Variants in NRAP observed in about 807,000 individuals in gnomAD.
NRAP encodes nebulin-related-anchoring protein.
A neutral mutation model predicts 225.9 loss-of-function variants in NRAP; 189 were observed. The ratio of observed to expected loss-of-function variants is 0.84; its 90% CI spans 0.74 to 0.94. The LOEUF is 0.94. NRAP is among the 40% of genes least tolerant of loss of function. The probability of loss-of-function intolerance (pLI) is 0.00; values close to 1 mark genes in which losing one functional copy is unlikely to be tolerated. For missense variants in NRAP, 2,176 were observed against 2,168.7 expected (o/e 1.00, Z -0.07); for synonymous variants, 769 against 790.7 (o/e 0.97, Z 0.46).
At chr10:113,595,557 T>C (rs1264597616) in intron 38 of NRAP, 66 bp downstream of exon 38, 7 of 1,003,982 alleles carry the variant, frequency 7.0e-6, no homozygotes, top group East Asian at 2.4e-5. Context: ...AAAAACGAAA[T>C]CCACATTGGG....
chr10:113,628,661 C>A (rs1848412692), intron 20 of NRAP, among the ~76,000 whole-genome samples: 1 of 152,180 alleles, frequency 6.6e-6, no homozygotes, highest in Non-Finnish European at 1.5e-5. Context: ...TTACACCTTT[C>A]TAAACCAAAT....
At position 113,595,616 on chromosome 10, in the gene NRAP, C is replaced by T. The variant is rs769813270; in HGVS notation, c.4536+7G>A. On this transcript the variant is annotated splice_region_variant and intron_variant, in intron 38 of 41. Transcript: ENST00000359988. ...GCACACGTTCCATGAACCACCAGTT[C>T]ACTTACGTCACTCAGATGCAGCGCA... 2.5e-6 allele frequency: 4 copies of T among 1,573,354 alleles called. No homozygotes were observed. Among genetic ancestry groups the T allele is most frequent in the Non-Finnish European group, 3.5e-6 (4 of 1,142,808 alleles).
rs765182837 is a variant in NRAP, at chr10:113,589,072, GC to G, written c.5095del (p.Ala1699GlnfsTer14). On this transcript the variant is annotated frameshift_variant, in exon 42 of 42. Transcript: ENST00000359988. LOFTEE classifies it high-confidence loss of function. The stretch of plus-strand genomic sequence containing the variant: ...ATGATCTCCAGCCTCCACTGCTTCT[GC>G]CCCCCGCTGCTGAAATCAAACATAC... ...GLGLQGAYRG[A>X]EAVEAGDHQS... 1.2e-6 allele frequency: 2 copies of G among 1,613,084 alleles called. No individual in the cohort carries two copies. The highest frequency in any genetic ancestry group is 2.2e-5 in the East Asian group (1 of 44,870).
chr10:113,595,861 G>T, intron 37 of NRAP, 134 bp from the exon 38 acceptor site: 1 of 546,000 alleles, frequency 1.8e-6, no homozygotes, highest in Non-Finnish European at 3.2e-6. Context: ...TCCTGCCCAT[G>T]GACAGTGTCC....
intron 38 of NRAP, among the ~76,000 whole-genome samples, chr10:113,593,417 A>G (rs1022936753): frequency 6.6e-6 from 1 of 152,190 alleles, no homozygotes; most frequent in Non-Finnish European, 1.5e-5. Flanking sequence ...TGGGCCAAGC[A>G]TGGCGGATCT....
At chr10:113,645,477 G>C (rs1849447949) in intron 11 of NRAP, among the ~76,000 whole-genome samples, 1 of 152,166 alleles carries the variant, frequency 6.6e-6, no homozygotes, top group African/African-American at 2.4e-5. Flanking sequence ...GAGTGCAATA[G>C]CACTATCTCG....
intron 19 of NRAP, 100 bp downstream of exon 19, chr10:113,629,487 TC>T: frequency 1.2e-6 from 1 of 828,286 alleles, no homozygotes; most frequent in Non-Finnish European, 2.0e-6. Flanking sequence ...TTCCTAGTCT[TC>T]CAAGTTATGT....
chr10:113,654,138 C>G lies in NRAP; in HGVS notation c.361-13G>C. 6.7e-7 allele frequency: 1 copy of G among 1,503,068 alleles called. No individual in the cohort carries two copies. The highest frequency in any genetic ancestry group is 9.3e-7 in the Non-Finnish European group (1 of 1,079,178). 93.1% of individuals were successfully genotyped at this position (1,503,068 alleles called of 1,614,324 possible). On this transcript the variant is annotated splice_polypyrimidine_tract_variant and intron_variant, in intron 4 of 41. Transcript: ENST00000359988. The stretch of plus-strand genomic sequence containing the variant: ...TCCAATAGGCTCTCTACAAAGGAAG[C>G]ACATGAAGGGATACAAACACATGCC...
chr10:113,590,767 G>A lies in NRAP; in HGVS notation c.4767C>T (p.Tyr1589=), dbSNP rs1337958700. ...NVGRLQSDNE[Y]KKDFAKSRSQ... is the part of the protein sequence containing the mutation. ...ACCGACTCTTGGCAAAGTCCTTCTT[G>A]TACTCATTGTCACTCTGGAGCCTGC... Residue 1589 remains tyrosine, a synonymous_variant, in exon 40 of 42, where the codon TAC becomes TAT. Transcript: ENST00000359988. 1.9e-6 allele frequency: 3 copies of A among 1,614,078 alleles called. No homozygotes were observed. Among genetic ancestry groups the A allele is most frequent in the South Asian group, 2.2e-5 (2 of 91,088 alleles).
chr10:113,620,642 C>T lies in NRAP; in HGVS notation c.2836G>A (p.Val946Met), dbSNP rs1847928832. The T allele has an allele frequency of 5.6e-6, 9 of 1,613,594 alleles. No individual in the cohort carries two copies. Among genetic ancestry groups the T allele is most frequent in the Admixed American group, 5.0e-5 (3 of 59,992 alleles). Residue 946 changes from valine (V) to methionine (M), a missense_variant, in exon 25 of 42, where the codon GTG (valine) becomes ATG (methionine). Physicochemically the swap from Val to Met is conservative, Grantham distance 21. Around this residue, in one of 3 missense-constraint regions of NRAP, gnomAD observed 1,708 missense variants for 1,695.5 expected, o/e 1.01. Transcript: ENST00000359988. ...TCTCCTGCCTTCTTCGCCTGCTCCACATTTAATGACCCGGTGGCGACCCAG... is the reference window on the plus strand; with the variant it reads ...TCTCCTGCCTTCTTCGCCTGCTCCATATTTAATGACCCGGTGGCGACCCAG... ...MGWVATGSLNVEQAKKAGELI... is the reference protein window; with the variant it reads ...MGWVATGSLNMEQAKKAGELI...
rs1592866822 is a variant in NRAP at position 113,652,877 on chromosome 10, G to C, written c.570+58C>G. The stretch of plus-strand genomic sequence containing the variant: ...TACTGTTTTTTCCCTAAATCACGGG[G>C]GCTCATTAATGACAAAAATTAGCAT... On this transcript the variant is annotated intron_variant, in intron 6 of 41. Coordinates refer to ENST00000359988, the MANE Select transcript of NRAP (RefSeq NM_198060.4). The C allele has an allele frequency of 3.5e-6, 4 of 1,134,424 alleles. No individual in the cohort carries two copies. The South Asian group carries it at 5.0e-5, about 14-fold the overall frequency. 70.3% of individuals were successfully genotyped at this position (1,134,424 alleles called of 1,614,324 possible).
chr10:113,593,288 G>C (rs945352036), intron 38 of NRAP, among the ~76,000 whole-genome samples: 1 of 152,172 alleles, frequency 6.6e-6, no homozygotes, highest in Admixed American at 6.5e-5. Context: ...GGTCAAGGCT[G>C]GCACTCTGTT....
At chr10:113,660,853 CTAAAGT>C (rs1224478551) in intron 3 of NRAP, among the ~76,000 whole-genome samples, 1 of 152,130 alleles carries the variant, frequency 6.6e-6, no homozygotes, top group Non-Finnish European at 1.5e-5. Flanking sequence ...AATAAATATC[CTAAAGT>C]TAAACAGATC....
In NRAP at chr10:113,604,874, C is replaced by T. The variant is rs535278612; in HGVS notation, c.3962G>A (p.Gly1321Glu). 129 of 1,614,158 alleles carry T rather than the reference C, an allele frequency of 8.0e-5. No homozygotes were observed. The Admixed American group carries it at 2.1e-3, about 26-fold the overall frequency. The change falls in exon 35 of 42, where the codon GGG (glycine) becomes GAG (glutamate). Residue 1321 changes from glycine to glutamate, a missense_variant. This residue lies in a region of NRAP where 1,708 missense variants were observed against 1,695.5 expected (regional missense o/e 1.01). Transcript: ENST00000359988. ...GGGGTCGTCTCTTACACTCTGGGGC[C>T]CTATGAGTTTCCCTCGCTCCTTCAC... ...DFVKERGKLI[G>E]PQSVRDDPRI... is the part of the protein sequence containing the mutation.
chr10:113,650,659 G>T, intron 7 of NRAP, 114 bp from the exon 8 acceptor site: 1 of 723,964 alleles, frequency 1.4e-6, no homozygotes, highest in Non-Finnish European at 2.5e-6. Context: ...AGCTCATAAG[G>T]CACATAATTG....
intron 11 of NRAP, 76 bp downstream of exon 11, chr10:113,645,749 T>C: frequency 3.9e-6 from 3 of 760,824 alleles, no homozygotes; most frequent in African/African-American, 1.7e-5. Context: ...CTTTTTATTA[T>C]AGGGTCACCT....
At chr10:113,663,259 A>G in intron 2 of NRAP, 93 bp downstream of exon 2, 1 of 759,328 alleles carries the variant, frequency 1.3e-6, no homozygotes, top group South Asian at 1.6e-5. Context: ...TCTTGGATTT[A>G]ACCCTGGGTT....
intron 20 of NRAP, among the ~76,000 whole-genome samples, chr10:113,627,375 G>A (rs1848345017): frequency 6.6e-6 from 1 of 152,176 alleles, no homozygotes; most frequent in African/African-American, 2.4e-5. Flanking sequence ...GGTGAAGGAA[G>A]TAATATCCTC....
At chr10:113,610,719 C>T (rs535395028) in intron 30 of NRAP, among the ~76,000 whole-genome samples, 156 bp from the exon 31 acceptor site, 5 of 152,334 alleles carry the variant, frequency 3.3e-5, no homozygotes, top group Middle Eastern at 3.4e-3. Context: ...ACTCAGCCAA[C>T]GCACAAACAC....
Sources: gnomAD v4.1 joint callset for allele counts (sites outside exome capture counted in the v4.1 genomes callset) on GRCh38, gnomAD v4.1.1 for gene constraint, gnomAD v4.1.1 regional missense constraint, MANE v1.5 for transcripts, NCBI Gene and HGNC (gene_info 2026-07-23, HGNC 2026-07-21) for gene names.